DSE: variants seen among roughly 807,000 people sequenced by gnomAD.
DSE encodes the protein dermatan sulfate epimerase.
A neutral mutation model predicts 84.4 loss-of-function variants in DSE; 36 were observed. The observed-to-expected ratio is 0.43, with a 90% CI of 0.33 to 0.56. DSE has a LOEUF of 0.56. Among genes scored for constraint, DSE ranks in the 20% least tolerant of loss-of-function variants. The pLI is 0.06. For missense variants in DSE, 862 were observed against 1,169.6 expected (o/e 0.74, Z 3.84); for synonymous variants, 410 against 430.1 (o/e 0.95, Z 0.58).
At position 116,344,894 on chromosome 6, in the gene DSE, GAC is replaced by G. The variant is rs200672199; in HGVS notation, c.-53-54298_-53-54297del. ...TCAGGAGACCCATCTCATGTGCAGA[GAC>G]ACACATAGGCTCAAAATAAAGGGAT... On this transcript the variant is annotated intron_variant, in intron 2 of 3. Transcript: ENST00000430252. Among the ~76,000 whole-genome samples, 1,031 of 152,242 alleles carry G rather than the reference GAC, an allele frequency of 6.8e-3. 21 individuals carry two copies. The highest frequency in any genetic ancestry group is 0.053 in the South Asian group (257 of 4,820).
rs1481558330 is a variant in DSE at position 116,439,538 on chromosome 6, A to G, written c.*2193A>G. 6.6e-6 allele frequency: 1 copy of G among 151,762 alleles called. No individual in the cohort carries two copies. The highest frequency in any genetic ancestry group is 2.4e-5 in the African/African-American group (1 of 41,312). 9.4% of individuals were successfully genotyped at this position (151,762 alleles called of 1,614,324 possible). ...AAAAAAAAAAATGCTGAAACAAATC[A>G]CCCCTCTTCATAATGAAACATGTTT... On this transcript the variant is annotated 3_prime_UTR_variant, in exon 6 of 6. Coordinates refer to ENST00000644252, the MANE Select transcript of DSE (RefSeq NM_013352.4).
chr6:116,279,680 C>T (rs906961643), intron 2 of DSE: 3 of 1,609,526 alleles, frequency 1.9e-6, no homozygotes, highest in Non-Finnish European at 2.5e-6. Flanking sequence ...GAGCCTCCCT[C>T]ACCCGGCTCC....
At chr6:116,346,886 A>G (rs1186318628) in intron 2 of DSE, among the ~76,000 whole-genome samples, 1 of 152,222 alleles carries the variant, frequency 6.6e-6, no homozygotes, top group East Asian at 1.9e-4. Context: ...ATCTCAGCCC[A>G]AAATCTCCTT....
chr6:116,313,333 A>T (rs553565467), intron 2 of DSE, among the ~76,000 whole-genome samples: 29 of 152,344 alleles, frequency 1.9e-4, no homozygotes, highest in African/African-American at 6.7e-4. Context: ...CATGCAGTTT[A>T]TGATATTTTA....
intron 2 of DSE, among the ~76,000 whole-genome samples, chr6:116,271,793 AT>A: frequency 6.6e-6 from 1 of 152,040 alleles, no homozygotes. Context: ...ATGAAGTTCT[AT>A]TTTTTAAATT....
At chr6:116,356,708 G>A (rs759819945) in intron 2 of DSE, among the ~76,000 whole-genome samples, 76 of 152,222 alleles carry the variant, frequency 5.0e-4, no homozygotes, top group Admixed American at 1.2e-3. Context: ...TGAGTTGTTG[G>A]TAGAGCCAGG....
At chr6:116,351,764 A>G (rs1420203409) in intron 2 of DSE, among the ~76,000 whole-genome samples, 2 of 152,220 alleles carry the variant, frequency 1.3e-5, no homozygotes, top group South Asian at 2.1e-4. Context: ...TGCTGATTAA[A>G]ATAGTCTTTT....
chr6:116,426,801 C>G lies in DSE; in HGVS notation c.644C>G (p.Thr215Arg). Residue 215 changes from threonine (T) to arginine (R), a missense_variant, in exon 3 of 6, where the codon ACG becomes AGG. Around this residue, in one of 4 missense-constraint regions of DSE, gnomAD observed 309 missense variants for 516.9 expected, o/e 0.60. Coordinates refer to ENST00000644252, the MANE Select transcript of DSE (RefSeq NM_013352.4). ...HQPTNCMALL[T>R]GSLVLMNQGY... ...CCCACCAACTGTATGGCTTTGCTCA[C>G]GGGAAGCCTAGTCCTGATGAATCAA... 6.2e-7 allele frequency: 1 copy of G among 1,613,920 alleles called. No homozygotes were observed. Among genetic ancestry groups the G allele is most frequent in the South Asian group, 1.1e-5 (1 of 91,076 alleles).
chr6:116,439,939 TTC>T lies in DSE; in HGVS notation c.*2600_*2601del, dbSNP rs201383218. The T allele has an allele frequency of 6.3e-4, 86 of 136,782 alleles. 1 individual carries two copies. Among genetic ancestry groups the T allele is most frequent in the African/African-American group, 9.6e-4 (32 of 33,380 alleles). 8.5% of individuals were successfully genotyped at this position (136,782 alleles called of 1,614,324 possible). On this transcript the variant is annotated 3_prime_UTR_variant, in exon 6 of 6. Transcript: ENST00000644252. ...CCTTGGAGACAGAGTGAGACCGTGT[TTC>T]TCTCTTTTTTTTTTTTTTAAGTATA...
intron 2 of DSE, among the ~76,000 whole-genome samples, chr6:116,292,796 C>G (rs573393908): frequency 6.6e-6 from 1 of 152,282 alleles, no homozygotes; most frequent in East Asian, 1.9e-4. Flanking sequence ...AAGTAGTGAC[C>G]TGGAAAAGCA....
chr6:116,401,730 C>T (rs1781604246), intron 2 of DSE, among the ~76,000 whole-genome samples: 1 of 152,102 alleles, frequency 6.6e-6, no homozygotes, highest in South Asian at 2.1e-4. Context: ...AAACAATGTT[C>T]AGTGATTTTA....
chr6:116,391,842 G>A (rs1440959315), intron 1 of DSE, among the ~76,000 whole-genome samples: 1 of 151,684 alleles, frequency 6.6e-6, no homozygotes, highest in African/African-American at 2.4e-5. Flanking sequence ...TTACACATCA[G>A]GGAGTATAAT....
At chr6:116,270,332 G>GT (rs1480912491) in intron 2 of DSE, among the ~76,000 whole-genome samples, 1 of 152,134 alleles carries the variant, frequency 6.6e-6, no homozygotes, top group Non-Finnish European at 1.5e-5. Context: ...CCATGCACCT[G>GT]TTTTTAAAGC....
At position 116,278,719 on chromosome 6, in the gene DSE, T is replaced by C. The variant is rs767682435; in HGVS notation, c.-54+19752T>C. The C allele has an allele frequency of 3.7e-6, 6 of 1,614,150 alleles. No homozygotes were observed. The highest frequency in any genetic ancestry group is 1.7e-5 in the Admixed American group (1 of 60,026). The stretch of plus-strand genomic sequence containing the variant: ...AGTGAAGAAGCTGCAGATGAGGTCT[T>C]GGTTTCTGCGAATGAAGGACTGGGG... On this transcript the variant is annotated intron_variant, in intron 2 of 3. Coordinates refer to the DSE transcript ENST00000430252.
At chr6:116,340,920 G>T (rs1327049053) in intron 2 of DSE, among the ~76,000 whole-genome samples, 1 of 152,174 alleles carries the variant, frequency 6.6e-6, no homozygotes, top group African/African-American at 2.4e-5. Flanking sequence ...CCAAGGCTTT[G>T]CTACTGTGAA....
chr6:116,264,147 G>A (rs979021426), intron 2 of DSE, among the ~76,000 whole-genome samples: 3 of 152,088 alleles, frequency 2.0e-5, no homozygotes, highest in African/African-American at 7.2e-5. Flanking sequence ...TCTCTCACTA[G>A]GTTGTGGAAG....
rs201525958 is a variant in DSE, at chr6:116,279,764, G to A, written c.-54+20797G>A. 56 of 1,612,506 alleles carry A rather than the reference G, an allele frequency of 3.5e-5. No individual in the cohort carries two copies. The East Asian group carries it at 1.2e-3, about 35-fold the overall frequency. ...TGTGCGTCCTGGTCGCTCGGGACTT[G>A]GTCAGAAATAATGATGCTGTGGGTT... On this transcript the variant is annotated intron_variant, in intron 2 of 3. Transcript: ENST00000430252.
chr6:116,318,745 A>G (rs1168506131), intron 2 of DSE, among the ~76,000 whole-genome samples: 1 of 152,210 alleles, frequency 6.6e-6, no homozygotes, highest in African/African-American at 2.4e-5. Flanking sequence ...GAAAATGAGA[A>G]ATTTAAAAAT....
At chr6:116,262,384 G>C (rs778203167) in intron 2 of DSE, among the ~76,000 whole-genome samples, 27 of 152,100 alleles carry the variant, frequency 1.8e-4, no homozygotes, top group Non-Finnish European at 3.5e-4. Context: ...ATTTCTTCCA[G>C]ATTTTCTACT....
Sources: allele counts gnomAD v4.1 joint callset (sites outside exome capture counted in the v4.1 genomes callset), GRCh38; gene constraint gnomAD v4.1.1; regional missense constraint gnomAD v4.1.1; transcripts MANE v1.5; gene names NCBI Gene and HGNC (gene_info 2026-07-23, HGNC 2026-07-21).